Variants in PPME1 observed in about 807,000 individuals in gnomAD.
PPME1 encodes the protein testicular secretory protein Li 39.
A neutral mutation model predicts 56.9 loss-of-function variants in PPME1; 17 were observed. That is an observed-to-expected ratio of 0.30 (90% CI 0.20 to 0.45). The LOEUF (loss-of-function observed/expected upper bound fraction) is 0.45, where lower values mean the gene tolerates loss of function less well. Ranked by LOEUF, PPME1 falls within the 20% of genes least tolerant of loss-of-function variation. The probability of loss-of-function intolerance (pLI) is 1.00; values close to 1 mark genes in which losing one functional copy is unlikely to be tolerated. For missense variants in PPME1, 357 were observed against 483.2 expected, an observed-to-expected ratio of 0.74 and a Z score of 2.45; for synonymous variants, 122 against 156.2, an observed-to-expected ratio of 0.78 and a Z score of 1.63.
At chr11:74,185,060 C>T (rs949546716) in intron 1 of PPME1, among the ~76,000 whole-genome samples, 14 of 132,626 alleles carry the variant, frequency 1.1e-4, no homozygotes, top group South Asian at 5.0e-4. Flanking sequence ...AGTGCAGTGG[C>T]GCAATCTCAG....
intron 4 of PPME1, among the ~76,000 whole-genome samples, chr11:74,222,963 T>G (rs1323626477): frequency 6.6e-6 from 1 of 152,106 alleles, no homozygotes; most frequent in Non-Finnish European, 1.5e-5. Flanking sequence ...TATTATACTT[T>G]TAAGTTTTAG....
At chr11:74,218,931 A>G (rs1168706628) in intron 3 of PPME1, among the ~76,000 whole-genome samples, 1 of 152,152 alleles carries the variant, frequency 6.6e-6, no homozygotes, top group Non-Finnish European at 1.5e-5. Context: ...CAAAGGAAAC[A>G]ACAAAGTGAA....
intron 11 of PPME1, chr11:74,247,770 A>G (rs1859545700): frequency 6.6e-6 from 1 of 152,562 alleles, no homozygotes; most frequent in African/African-American, 2.4e-5. Flanking sequence ...TATAGGTGTG[A>G]GCCACTGCAG....
Position 74,171,456 on chromosome 11 carries a change from G to A in PPME1, c.35G>A (p.Arg12His), listed in dbSNP as rs755713025. Residue 12 changes from arginine to histidine, a missense_variant, in exon 1 of 14, where the codon CGC becomes CAC. This residue lies in a region of PPME1 where 175 missense variants were observed against 189.4 expected (regional missense o/e 0.92). Transcript: ENST00000328257. The stretch of plus-strand genomic sequence containing the variant: ...CTCGAAAAGAGCATGCACCTCGGCC[G>A]CCTTCCCTCTCGCCCACCTCTACCC... ...SALEKSMHLG[R>H]LPSRPPLPGS... is the part of the protein sequence containing the mutation. The A allele has an allele frequency of 2.5e-6, 4 of 1,613,174 alleles. No homozygotes were observed. Among genetic ancestry groups the A allele is most frequent in the Middle Eastern group, 1.7e-4 (1 of 6,058 alleles).
intron 9 of PPME1, among the ~76,000 whole-genome samples, chr11:74,240,193 A>C (rs1221500880): frequency 6.6e-6 from 1 of 151,820 alleles, no homozygotes; most frequent in Non-Finnish European, 1.5e-5. Flanking sequence ...TTTTTTTTGA[A>C]GTTGTACATA....
intron 7 of PPME1, among the ~76,000 whole-genome samples, chr11:74,231,602 T>A (rs1859069306): frequency 6.6e-6 from 1 of 152,232 alleles, no homozygotes; most frequent in Non-Finnish European, 1.5e-5. Flanking sequence ...GTTTTCCCAA[T>A]ACACTATAGT....
intron 7 of PPME1, among the ~76,000 whole-genome samples, chr11:74,234,116 C>T (rs553615496): frequency 2.6e-4 from 40 of 152,132 alleles, no homozygotes; most frequent in African/African-American, 9.6e-4. Flanking sequence ...CAGGAAGGGA[C>T]TTAAGGATGA....
Position 74,239,186 on chromosome 11 carries a change from T to A in PPME1, c.764T>A (p.Ile255Lys). ...TCAAAATCTATAGTGGAAGGAATCA[T>A]AGAGGAAGAAGAAGAAGATGAGGAA... ...EGSKSIVEGI[I>K]EEEEEDEEGS... The change falls in exon 9 of 14, where the codon ATA (isoleucine) becomes AAA (lysine). Residue 255 changes from isoleucine to lysine, a missense_variant. This residue lies in a region of PPME1 where 182 missense variants were observed against 293.8 expected (regional missense o/e 0.62). Coordinates refer to ENST00000328257, the MANE Select transcript of PPME1 (RefSeq NM_016147.3). The A allele has an allele frequency of 6.2e-7, 1 of 1,613,400 alleles. No individual in the cohort carries two copies. The highest frequency in any genetic ancestry group is 8.5e-7 in the Non-Finnish European group (1 of 1,179,660).
intron 13 of PPME1, chr11:74,252,338 T>A (rs1424260067): frequency 2.4e-6 from 1 of 417,850 alleles, no homozygotes; most frequent in Non-Finnish European, 4.9e-6. Context: ...TCCACCCGCA[T>A]CGGCCTCCTA....
rs187569917 is a variant in PPME1, at chr11:74,222,533, G to A, written c.346+164G>A. 7.2e-5 allele frequency: 45 copies of A among 622,504 alleles called. No individual in the cohort carries two copies. The Middle Eastern group carries it at 9.2e-4, about 13-fold the overall frequency. 38.6% of individuals were successfully genotyped at this position (622,504 alleles called of 1,614,324 possible). On this transcript the variant is annotated intron_variant, in intron 4 of 13. Transcript: ENST00000328257. Reference sequence around the variant, plus strand: ...AGATGGAGTCTCATTCTGTCGCCCAGGCTGGGGTGCAGTGGCACAATCTCA... The same window carrying A: ...AGATGGAGTCTCATTCTGTCGCCCAAGCTGGGGTGCAGTGGCACAATCTCA...
Position 74,179,988 on chromosome 11 carries a change from A to G in PPME1, c.101+8466A>G, listed in dbSNP as rs1340915162. Among the ~76,000 whole-genome samples the G allele has an allele frequency of 2.0e-5, 3 of 152,330 alleles. No homozygotes were observed. In the South Asian group the frequency reaches 6.2e-4, roughly 32 times the overall value. On this transcript the variant is annotated intron_variant, in intron 1 of 13. Coordinates refer to ENST00000328257, the MANE Select transcript of PPME1 (RefSeq NM_016147.3). ...CTGCTACTGTGCCCATTCATGACTC[A>G]TCAATAACTCTCTTAACAGACTTAA...
chr11:74,218,875 A>G (rs1333859497), intron 3 of PPME1, among the ~76,000 whole-genome samples: 1 of 152,222 alleles, frequency 6.6e-6, no homozygotes, highest in Non-Finnish European at 1.5e-5. Context: ...AACCAAAGCA[A>G]AAATGGACAA....
chr11:74,202,551 C>T (rs763578613), intron 1 of PPME1, among the ~76,000 whole-genome samples: 1 of 152,268 alleles, frequency 6.6e-6, no homozygotes, highest in Middle Eastern at 3.4e-3. Context: ...TTCTCCATAG[C>T]ATATACAGGA....
chr11:74,236,034 T>G (rs1299963009), intron 8 of PPME1, 68 bp downstream of exon 8: 4 of 1,570,482 alleles, frequency 2.5e-6, no homozygotes. Flanking sequence ...ACAGATTGCT[T>G]CTTTTGTCTT....
intron 1 of PPME1, 25 bp downstream of exon 1, chr11:74,171,547 C>T (rs753487515): frequency 1.3e-5 from 20 of 1,593,818 alleles, no homozygotes; most frequent in Non-Finnish European, 1.5e-5. Flanking sequence ...CCCCTTCTCC[C>T]TATGGGCCAG....
At chr11:74,191,106 T>C (rs961196607) in intron 1 of PPME1, among the ~76,000 whole-genome samples, 9 of 152,102 alleles carry the variant, frequency 5.9e-5, no homozygotes, top group African/African-American at 2.2e-4. Flanking sequence ...GAGGCCAAAG[T>C]GGGAGGATTG....
At chr11:74,204,112 A>T (rs1858254588) in intron 2 of PPME1, among the ~76,000 whole-genome samples, 1 of 151,826 alleles carries the variant, frequency 6.6e-6, no homozygotes, top group Non-Finnish European at 1.5e-5. Flanking sequence ...CATTTCTAGA[A>T]TCCAGGGGTT....
chr11:74,195,522 T>C (rs1857958321), intron 1 of PPME1, among the ~76,000 whole-genome samples: 1 of 152,230 alleles, frequency 6.6e-6, no homozygotes, highest in Non-Finnish European at 1.5e-5. Flanking sequence ...GATGCATATT[T>C]AGCTTGCTTC....
At chr11:74,192,810 A>G (rs1857877496) in intron 1 of PPME1, among the ~76,000 whole-genome samples, 1 of 152,144 alleles carries the variant, frequency 6.6e-6, no homozygotes, top group Non-Finnish European at 1.5e-5. Flanking sequence ...CACCATGATT[A>G]TAAGCTTCCT....
Sources: allele counts gnomAD v4.1 joint callset (sites outside exome capture counted in the v4.1 genomes callset), GRCh38; gene constraint gnomAD v4.1.1; regional missense constraint gnomAD v4.1.1; transcripts MANE v1.5; gene names NCBI Gene and HGNC (gene_info 2026-07-23, HGNC 2026-07-21).